Variants in MOBP observed in about 807,000 individuals in gnomAD.
MOBP encodes the protein myelin-associated oligodendrocyte basic protein.
In MOBP, 5 loss-of-function variants were observed where a neutral mutation model predicts 15.0. The ratio of observed to expected loss-of-function variants is 0.33; its 90% confidence interval spans 0.17 to 0.70. MOBP has a LOEUF of 0.70. Among genes scored for constraint, MOBP ranks in the 30% least tolerant of loss-of-function variants. MOBP has a pLI of 0.67. For missense variants in MOBP, 188 were observed against 257.8 expected, an observed-to-expected ratio of 0.73 and a Z score of 1.85; for synonymous variants, 88 against 99.0, an observed-to-expected ratio of 0.89 and a Z score of 0.66.
At chr3:39,516,202 G>A (rs574346617), downstream of MOBP, among the ~76,000 whole-genome samples, 2 of 152,188 alleles carry the variant, frequency 1.3e-5, no homozygotes, top group South Asian at 4.1e-4. Flanking sequence ...GCTTGACCAC[G>A]AAGGAAGGCA....
At chr3:39,483,880 C>A (rs914019226) in intron 2 of MOBP, among the ~76,000 whole-genome samples, 1 of 152,152 alleles carries the variant, frequency 6.6e-6, no homozygotes, top group Admixed American at 6.5e-5. Flanking sequence ...TTGCTGAGAA[C>A]CTGACAAAAG....
At chr3:39,509,556 G>A (rs10452013) in intron 4 of MOBP, among the ~76,000 whole-genome samples, 3,546 of 151,852 alleles carry the variant, frequency 0.023, 128 homozygotes, top group African/African-American at 0.081. Context: ...TATAAAAATC[G>A]GATTGTTTTA....
intron 2 of MOBP, among the ~76,000 whole-genome samples, chr3:39,496,434 C>T (rs1416941557): frequency 6.6e-6 from 1 of 151,912 alleles, no homozygotes; most frequent in South Asian, 2.1e-4. Flanking sequence ...CTCCTAACCT[C>T]ATGATCCGCC....
In MOBP at chr3:39,502,094, G is replaced by T. The variant is rs1308308069; in HGVS notation, c.25G>T (p.Gly9Cys). 1 of 1,614,112 alleles carries T rather than the reference G, an allele frequency of 6.2e-7. No individual in the cohort carries two copies. The highest frequency in any genetic ancestry group is 1.3e-5 in the African/African-American group (1 of 75,034). Residue 9 changes from glycine (G) to cysteine (C), a missense_variant, in exon 3 of 4, where the codon GGT (glycine) becomes TGT (cysteine). Transcript: ENST00000684792. The surrounding 1 kb of genome is among the most constrained non-coding windows in gnomAD (Gnocchi z 6.3). Reference sequence around the variant, plus strand: ...GATGAGTCAGAAACCGGCCAAGGAGGGTCCCAGACTCTCCAAAAACCAGAA... The same window carrying T: ...GATGAGTCAGAAACCGGCCAAGGAGTGTCCCAGACTCTCCAAAAACCAGAA... MSQKPAKEGPRLSKNQKYS... is the reference protein window; with the variant it reads MSQKPAKECPRLSKNQKYS...
At chr3:39,491,415 T>C (rs1609646) in intron 2 of MOBP, among the ~76,000 whole-genome samples, 45,371 of 152,174 alleles carry the variant, frequency 0.3, 9,155 homozygotes, top group African/African-American at 0.57. Context: ...GAATAAATGT[T>C]ATGAACTTGG....
At chr3:39,482,513 G>A (rs1357005289) in intron 2 of MOBP, among the ~76,000 whole-genome samples, 5 of 151,948 alleles carry the variant, frequency 3.3e-5, no homozygotes, top group Non-Finnish European at 5.9e-5. Context: ...TTAGCCGGCC[G>A]TGGTGGCAGA....
chr3:39,508,839 G>A (rs896859069), intron 4 of MOBP, among the ~76,000 whole-genome samples: 2 of 151,968 alleles, frequency 1.3e-5, no homozygotes, highest in African/African-American at 4.8e-5. Flanking sequence ...AAGCCACCGC[G>A]CCTGGCCCCA....
In MOBP at chr3:39,502,381, C is replaced by T. The variant is rs2042984579; in HGVS notation, c.206+106C>T. 1.9e-6 allele frequency: 3 copies of T among 1,553,358 alleles called. No homozygotes were observed. The highest frequency in any genetic ancestry group is 1.9e-5 in the Admixed American group (1 of 51,866). On this transcript the variant is annotated intron_variant, in intron 3 of 3. Transcript: ENST00000684792. This position sits in a 1 kb window ranked among gnomAD's most constrained non-coding sequence, Gnocchi z 6.3. ...CCCCACTCTTCCCCCTAGTCGGCTC[C>T]GGGTTAGGCTCCGACACCGGAAGGC...
Position 39,502,259 on chromosome 3 carries a change from G to T in MOBP, c.190G>T (p.Ala64Ser). ...GAAAGAGGAGGACTGGATCTGCTGC[G>T]CCTGCCAGAAGACCAGGTAAGCGGC... ...QKKEEDWICC[A>S]CQKTRTSRRA... Residue 64 changes from alanine (A) to serine (S), a missense_variant, in exon 3 of 4, where the codon GCC (alanine) becomes TCC (serine). Coordinates refer to ENST00000684792, the MANE Select transcript of MOBP (RefSeq NM_001393704.1). The surrounding 1 kb of genome is among the most constrained non-coding windows in gnomAD (Gnocchi z 6.3). 1.9e-6 allele frequency: 3 copies of T among 1,613,902 alleles called. No homozygotes were observed. The highest frequency in any genetic ancestry group is 2.5e-6 in the Non-Finnish European group (3 of 1,180,008).
At chr3:39,478,388 G>A (rs1183652508) in intron 1 of MOBP, among the ~76,000 whole-genome samples, 1 of 152,194 alleles carries the variant, frequency 6.6e-6, no homozygotes, top group Non-Finnish European at 1.5e-5. Context: ...TAGGTGTGTA[G>A]CAGGCTAAAG....
At chr3:39,513,594 A>G in exon 5 of MOBP, 1 of 673,904 alleles carries the variant, frequency 1.5e-6, no homozygotes, top group South Asian at 2.0e-5. Context: ...GCCTCAGGGC[A>G]GCCTGCCTGG....
intron 2 of MOBP, among the ~76,000 whole-genome samples, chr3:39,489,936 G>C (rs572571010): frequency 5.3e-5 from 8 of 152,258 alleles, no homozygotes; most frequent in African/African-American, 1.9e-4. Flanking sequence ...CTTTAAAAAT[G>C]GATGTCTAAT....
intron 2 of MOBP, among the ~76,000 whole-genome samples, chr3:39,487,309 A>C (rs1163730648): frequency 1.3e-5 from 2 of 152,124 alleles, no homozygotes; most frequent in African/African-American, 4.8e-5. Context: ...TATTTGTTGA[A>C]GAATCTATCT....
chr3:39,475,724 T>A (rs544111822), intron 1 of MOBP, among the ~76,000 whole-genome samples: 1 of 152,304 alleles, frequency 6.6e-6, no homozygotes, highest in African/African-American at 2.4e-5. Flanking sequence ...TTAGGTTAGC[T>A]CCTGTGCCTT....
At chr3:39,477,823 G>C (rs974866320) in intron 1 of MOBP, among the ~76,000 whole-genome samples, 24 of 151,320 alleles carry the variant, frequency 1.6e-4, no homozygotes, top group African/African-American at 5.6e-4. Flanking sequence ...TTGCATCTTA[G>C]TTTTTAAGAA....
At chr3:39,480,971 T>G (rs551135707) in intron 2 of MOBP, among the ~76,000 whole-genome samples, 1 of 152,238 alleles carries the variant, frequency 6.6e-6, no homozygotes, top group Non-Finnish European at 1.5e-5. Flanking sequence ...GTGCTTCTAG[T>G]TGACTTGCCC....
Position 39,502,782 on chromosome 3 carries a change from C to G in MOBP, c.454C>G (p.Pro152Ala). The G allele has an allele frequency of 6.5e-7, 1 of 1,535,688 alleles. No homozygotes were observed. The highest frequency in any genetic ancestry group is 8.7e-7 in the Non-Finnish European group (1 of 1,146,660). The change falls in exon 4 of 4, where the codon CCC (proline) becomes GCC (alanine). Residue 152 changes from proline (P) to alanine (A), a missense_variant. Physicochemically the swap from Pro to Ala is conservative, Grantham distance 27 (BLOSUM62 -1). Coordinates refer to ENST00000684792, the MANE Select transcript of MOBP (RefSeq NM_001393704.1). The surrounding 1 kb of genome is among the most constrained non-coding windows in gnomAD (Gnocchi z 6.3). The part of the protein sequence containing the change: ...EVRPPPAKQR[P>A]PQKSKQQPRS... ...CCGACCACCGCCAGCCAAGCAGCGT[C>G]CCCCTCAGAAGTCCAAGCAACAGCC...
At chr3:39,518,537 A>C (rs566257693), downstream of MOBP, among the ~76,000 whole-genome samples, 8 of 150,082 alleles carry the variant, frequency 5.3e-5, no homozygotes, top group East Asian at 1.7e-3. Flanking sequence ...AGAAAGAAAG[A>C]GCTCTTGGGC....
At chr3:39,500,522 A>G (rs958724310) in intron 2 of MOBP, among the ~76,000 whole-genome samples, 1 of 152,208 alleles carries the variant, frequency 6.6e-6, no homozygotes, top group African/African-American at 2.4e-5. Flanking sequence ...AAGACTTTAG[A>G]TGGAGAGAGA....
Sources: gnomAD v4.1 joint callset for allele counts (sites outside exome capture counted in the v4.1 genomes callset) on GRCh38, gnomAD v4.1.1 for gene constraint, Gnocchi (gnomAD v3.1) non-coding constraint, MANE v1.5 for transcripts, NCBI Gene and HGNC (gene_info 2026-07-23, HGNC 2026-07-21) for gene names.